ZMYM2: variants seen among roughly 807,000 people sequenced by gnomAD.
ZMYM2 encodes the protein zinc finger MYM-type containing 2, also known as zinc finger MYM-type protein 2.
In ZMYM2, 56 loss-of-function variants were observed where a neutral mutation model predicts 162.8. The ratio of observed to expected loss-of-function variants is 0.34; its 90% confidence interval spans 0.28 to 0.43. ZMYM2 has a LOEUF of 0.43. Ranked by LOEUF, ZMYM2 falls within the 20% of genes least tolerant of loss-of-function variation. The pLI is 1.00. For missense variants in ZMYM2, 1,275 were observed against 1,621.8 expected, an observed-to-expected ratio of 0.79 and a Z score of 3.67; for synonymous variants, 510 against 541.6, an observed-to-expected ratio of 0.94 and a Z score of 0.81.
the ZMYM2 span, among the ~76,000 whole-genome samples, chr13:19,898,522 C>T: frequency 1.3e-5 from 2 of 152,070 alleles, no homozygotes; most frequent in African/African-American, 2.4e-5. Flanking sequence ...CGTGAGCCAC[C>T]GCACCCAGCC....
chr13:19,885,893 G>GTA, the ZMYM2 span, among the ~76,000 whole-genome samples: 17 of 60,414 alleles, frequency 2.8e-4, 3 homozygotes, highest in African/African-American at 7.8e-4. Flanking sequence ...ATATATATGT[G>GTA]TATACACATA....
chr13:20,034,878 A>G (rs2140348855), intron 11 of ZMYM2, among the ~76,000 whole-genome samples: 1 of 152,336 alleles, frequency 6.6e-6, no homozygotes, highest in Non-Finnish European at 1.5e-5. Context: ...GTTCTGTTTT[A>G]GTATGTTCAA....
intron 7 of ZMYM2, among the ~76,000 whole-genome samples, chr13:20,020,303 C>T (rs953350266): frequency 3.3e-5 from 5 of 149,924 alleles, no homozygotes; most frequent in African/African-American, 2.5e-5. Context: ...GGCACCATCT[C>T]GGCTCACCGC....
chr13:19,977,904 T>C (rs1182333166), intron 2 of ZMYM2, among the ~76,000 whole-genome samples: 1 of 146,268 alleles, frequency 6.8e-6, no homozygotes, highest in Non-Finnish European at 1.5e-5. Flanking sequence ...TGAGACGGGG[T>C]CTTGCTGTGT....
At chr13:20,006,655 T>C in intron 6 of ZMYM2, 69 bp downstream of exon 6, 1 of 1,422,058 alleles carries the variant, frequency 7.0e-7, no homozygotes, top group Middle Eastern at 1.8e-4. Context: ...ATACTTTTAC[T>C]CTAACAGTGT....
intron 2 of ZMYM2, among the ~76,000 whole-genome samples, chr13:19,981,164 C>T (rs993232061): frequency 6.6e-6 from 1 of 152,048 alleles, no homozygotes; most frequent in Non-Finnish European, 1.5e-5. Context: ...TCTAGCTTCT[C>T]AGGAGGCTGA....
chr13:19,890,106 A>C, the ZMYM2 span, among the ~76,000 whole-genome samples: 1 of 152,026 alleles, frequency 6.6e-6, no homozygotes, highest in South Asian at 2.1e-4. Context: ...TTGAGACTCC[A>C]TCTTATAGGA....
intron 11 of ZMYM2, among the ~76,000 whole-genome samples, chr13:20,036,407 G>T (rs1302247012): frequency 6.6e-6 from 1 of 151,910 alleles, no homozygotes; most frequent in Non-Finnish European, 1.5e-5. Flanking sequence ...ATGCCTATTT[G>T]TGGTATGCTT....
At chr13:19,939,020 A>AT in the ZMYM2 span, among the ~76,000 whole-genome samples, 971 of 124,132 alleles carry the variant, frequency 7.8e-3, 8 homozygotes, top group East Asian at 0.022. Context: ...CTTTGTTGTA[A>AT]TTTTTTTTTT....
intron 2 of ZMYM2, among the ~76,000 whole-genome samples, chr13:19,974,564 C>G (rs554934286): frequency 1.3e-5 from 2 of 150,216 alleles, no homozygotes; most frequent in Non-Finnish European, 3.0e-5. Context: ...CAGTCTCTTC[C>G]GGGTTCAAGC....
the ZMYM2 span, among the ~76,000 whole-genome samples, chr13:19,900,736 C>T: frequency 6.6e-6 from 1 of 151,828 alleles, no homozygotes; most frequent in African/African-American, 2.4e-5. Context: ...TAATAAAATC[C>T]CAACAAAGTA....
chr13:19,963,833 C>CTAA (rs1287048389), intron 2 of ZMYM2, among the ~76,000 whole-genome samples: 1 of 152,064 alleles, frequency 6.6e-6, no homozygotes, highest in Non-Finnish European at 1.5e-5. Context: ...TTTTTAAACT[C>CTAA]TTTTTAAGAG....
chr13:19,896,760 C>CAAA, the ZMYM2 span, among the ~76,000 whole-genome samples: 33 of 87,246 alleles, frequency 3.8e-4, no homozygotes, highest in African/African-American at 1.4e-3. Flanking sequence ...GACTCCATCT[C>CAAA]AAAAAAAAAA....
chr13:19,915,280 GAGAT>G, the ZMYM2 span, among the ~76,000 whole-genome samples: 1 of 151,744 alleles, frequency 6.6e-6, no homozygotes, highest in Non-Finnish European at 1.5e-5. Flanking sequence ...AATTTTAAAA[GAGAT>G]AGATCTCACT....
intron 3 of ZMYM2, among the ~76,000 whole-genome samples, chr13:20,002,068 C>A (rs1361588610): frequency 2.0e-5 from 3 of 152,046 alleles, no homozygotes; most frequent in Non-Finnish European, 4.4e-5. Context: ...TCCATCATTT[C>A]TGTGTAACAC....
At chr13:19,885,923 A>ATGTGTG in the ZMYM2 span, among the ~76,000 whole-genome samples, 13 of 99,764 alleles carry the variant, frequency 1.3e-4, 3 homozygotes, top group African/African-American at 3.4e-4. Context: ...ATACACATAT[A>ATGTGTG]TATGTGTATA....
the ZMYM2 span, among the ~76,000 whole-genome samples, chr13:19,884,577 A>G: frequency 2.0e-5 from 3 of 152,176 alleles, no homozygotes; most frequent in Non-Finnish European, 2.9e-5. Context: ...CTGTATCAAA[A>G]AGAAAAAAAA....
At chr13:20,030,404 T>TA (rs1952991978) in intron 9 of ZMYM2, among the ~76,000 whole-genome samples, 2 of 149,122 alleles carry the variant, frequency 1.3e-5, no homozygotes, top group African/African-American at 4.9e-5. Flanking sequence ...GCTAATTTTT[T>TA]TTTTTTTTTT....
chr13:19,927,029 T>C, the ZMYM2 span, among the ~76,000 whole-genome samples: 1 of 152,254 alleles, frequency 6.6e-6, no homozygotes, highest in African/African-American at 2.4e-5. Context: ...CTTGAACTAG[T>C]TTTGATAACT....
Sources: gnomAD v4.1 joint callset for allele counts (sites outside exome capture counted in the v4.1 genomes callset) on GRCh38, gnomAD v4.1.1 for gene constraint, MANE v1.5 for transcripts, NCBI Gene and HGNC (gene_info 2026-07-23, HGNC 2026-07-21) for gene names.